The following COL6A1 variants were observed in gnomAD, a reference collection of about 807,000 sequenced individuals.
COL6A1 encodes the protein collagen alpha-1(VI) chain.
Under a neutral mutation model 145.6 loss-of-function variants are expected in COL6A1, and 80 were observed. The ratio of observed to expected loss-of-function variants is 0.55; its 90% CI spans 0.46 to 0.66. COL6A1 has a LOEUF of 0.66. Among genes scored for constraint, COL6A1 ranks in the 30% least tolerant of loss-of-function variants. The pLI is 0.00. For synonymous variants in COL6A1, 638 were observed against 622.8 expected (o/e 1.02, Z -0.36); for missense variants, 1,364 against 1,473.8 (o/e 0.93, Z 1.22).
At chr21:45,982,903 G>A in intron 2 of COL6A1, 140 bp downstream of exon 2, 1 of 1,244,968 alleles carries the variant, frequency 8.0e-7, no homozygotes, top group African/African-American at 1.5e-5. Flanking sequence ...GCCCCTCCCG[G>A]CGCCCTCCAG....
rs1353244816 is a variant in COL6A1 at position 46,004,090 on chromosome 21, C to T, written c.*77C>T. ...TCACTAAACAGAGTAAAATGTGATG[C>T]GAATTTTCCCGACCAACCTGATTCG... On this transcript the variant is annotated 3_prime_UTR_variant, in exon 35 of 35. Coordinates refer to ENST00000361866, the MANE Select transcript of COL6A1 (RefSeq NM_001848.3). 7.1e-6 allele frequency: 11 copies of T among 1,552,382 alleles called. No individual in the cohort carries two copies. Among genetic ancestry groups the T allele is most frequent in the East Asian group, 2.3e-5 (1 of 44,158 alleles).
Position 46,000,645 on chromosome 21 carries a change from CGGG to C in COL6A1, c.1814-112_1814-110del, listed in dbSNP as rs2077838523. The C allele has an allele frequency of 2.2e-5, 27 of 1,229,440 alleles. 1 individual carries two copies. In the African/African-American group the frequency reaches 5.7e-4, roughly 26 times the overall value. 76.2% of individuals were successfully genotyped at this position (1,229,440 alleles called of 1,614,324 possible). A position where few individuals can be genotyped will look rare whatever the true frequency, so the allele number is the denominator to read the frequency against. On this transcript the variant is annotated intron_variant, in intron 28 of 34. Coordinates refer to ENST00000361866, the MANE Select transcript of COL6A1 (RefSeq NM_001848.3). ...CAGGAGGCCGGGGAAGGGGGGAGGC[CGGG>C]GAAGGAGGGCGGCCGGGGAGGCGGG...
At position 46,003,634 on chromosome 21, in the gene COL6A1, C is replaced by T. The variant is rs781095409; in HGVS notation, c.2708C>T (p.Ala903Val). The T allele has an allele frequency of 1.2e-6, 2 of 1,613,046 alleles. No homozygotes were observed. The highest frequency in any genetic ancestry group is 1.6e-4 in the Middle Eastern group (1 of 6,062). The change falls in exon 35 of 35, where the codon GCC becomes GTC. Residue 903 changes from alanine to valine, a missense_variant. Coordinates refer to ENST00000361866, the MANE Select transcript of COL6A1 (RefSeq NM_001848.3). Reference sequence around the variant, plus strand: ...CAGAACTACACGGCCCTGGCCAGTGCCGTCGATGCCATGGACTTTATCAAC... The same window carrying T: ...CAGAACTACACGGCCCTGGCCAGTGTCGTCGATGCCATGGACTTTATCAAC... ...FLQNYTALASAVDAMDFINDA... is the reference protein window; with the variant it reads ...FLQNYTALASVVDAMDFINDA...
At position 46,001,369 on chromosome 21, in the gene COL6A1, C is replaced by T. The variant is rs759122659; in HGVS notation, c.1939C>T (p.Arg647Trp). Residue 647 changes from arginine (R) to tryptophan (W), a missense_variant, in exon 30 of 35, where the codon CGG (arginine) becomes TGG (tryptophan). By Grantham distance (101) the Arg-to-Trp change is moderately radical. This residue lies in a region of COL6A1 where 938 missense variants were observed against 1,003.8 expected (regional missense o/e 0.93). Transcript: ENST00000361866. Reference sequence around the variant, plus strand: ...CGTCAAGGTCATCGACCGGCTGAGCCGGGACGAGCTGGTCAAGGTGAGGCC... The same window carrying T: ...CGTCAAGGTCATCGACCGGCTGAGCTGGGACGAGCTGGTCAAGGTGAGGCC... ...FVVKVIDRLS[R>W]DELVKFEPGQ... 51 of 1,611,734 alleles carry T rather than the reference C, an allele frequency of 3.2e-5. No homozygotes were observed. The highest frequency in any genetic ancestry group is 6.7e-5 in the East Asian group (3 of 44,882).
Position 45,981,945 on chromosome 21 carries a change from A to G in COL6A1, c.95A>G (p.Gln32Arg). 6.2e-7 allele frequency: 1 copy of G among 1,605,006 alleles called. No homozygotes were observed. The change falls in exon 1 of 35, where the codon CAG (glutamine) becomes CGG (arginine). Residue 32 changes from glutamine to arginine, a missense_variant and splice_region_variant. This residue lies in a region of COL6A1 where 414 missense variants were observed against 437.6 expected (regional missense o/e 0.95). Transcript: ENST00000361866. ...EPETPRAVAF[Q>R]DCPVDLFFVL... ...GAGACCCCGAGGGCCGTGGCCTTCCAGGGTGAGTGGTGGCTTGGGGTGCAG... is the reference window on the plus strand; with the variant it reads ...GAGACCCCGAGGGCCGTGGCCTTCCGGGGTGAGTGGTGGCTTGGGGTGCAG...
Position 45,986,978 on chromosome 21 carries a change from C to G in COL6A1, c.623C>G (p.Thr208Arg). Residue 208 changes from threonine to arginine, a missense_variant, in exon 5 of 35, where the codon ACG becomes AGG. Physicochemically the swap from Thr to Arg is moderately conservative, Grantham distance 71 (BLOSUM62 -1). Transcript: ENST00000361866. ...PRLSIIATDHTYRRNFTAADW... is the reference protein window; with the variant it reads ...PRLSIIATDHRYRRNFTAADW... The stretch of plus-strand genomic sequence containing the variant: ...CTGAGCATCATCGCCACGGACCACA[C>G]GTACCGGCGCAACTTCACGGCGGCT... 1.3e-6 allele frequency: 2 copies of G among 1,552,278 alleles called. No homozygotes were observed. The highest frequency in any genetic ancestry group is 1.7e-6 in the Non-Finnish European group (2 of 1,149,468).
At chr21:45,985,974 G>A (rs1481688944) in intron 3 of COL6A1, among the ~76,000 whole-genome samples, 1 of 152,192 alleles carries the variant, frequency 6.6e-6, no homozygotes. Flanking sequence ...AAATGAGCTC[G>A]CCCTTCTGGC....
At chr21:45,991,069 C>T in intron 15 of COL6A1, 28 bp downstream of exon 15, 4 of 1,611,046 alleles carry the variant, frequency 2.5e-6, no homozygotes, top group South Asian at 1.1e-5. Context: ...CCTGGAGGAC[C>T]AGGGCCTTCA....
rs2123460250 is a variant in COL6A1, at chr21:45,982,707, C to T, written c.171C>T (p.Ala57=). 3.7e-6 allele frequency: 6 copies of T among 1,612,842 alleles called. No individual in the cohort carries two copies. The highest frequency in any genetic ancestry group is 1.6e-4 in the Middle Eastern group (1 of 6,062). Residue 57 remains alanine, a synonymous_variant, in exon 2 of 35, where the codon GCC becomes GCT. Coordinates refer to ENST00000361866, the MANE Select transcript of COL6A1 (RefSeq NM_001848.3). Reference sequence around the variant, plus strand: ...CCCTGAGGCTGAAGCCCTACGGGGCCCTCGTGGACAAAGTCAAGTCCTTCA... The same window carrying T: ...CCCTGAGGCTGAAGCCCTACGGGGCTCTCGTGGACAAAGTCAAGTCCTTCA... The part of the protein sequence containing the change: ...SVALRLKPYG[A]LVDKVKSFTK...
intron 15 of COL6A1, 61 bp from the exon 16 acceptor site, chr21:45,991,949 G>A (rs1389956961): frequency 6.6e-7 from 1 of 1,523,910 alleles, no homozygotes; most frequent in Admixed American, 2.0e-5. Context: ...TGTGGCCTCT[G>A]ATGGCTGCAC....
At chr21:45,985,609 C>T (rs559166860) in intron 3 of COL6A1, among the ~76,000 whole-genome samples, 65 of 152,350 alleles carry the variant, frequency 4.3e-4, no homozygotes, top group African/African-American at 1.4e-3. Context: ...ACGCAGGGGC[C>T]GCAAGCCCCG....
chr21:46,002,654 A>G lies in COL6A1; in HGVS notation c.2378A>G (p.Tyr793Cys), dbSNP rs2077854062. 6.2e-7 allele frequency: 1 copy of G among 1,613,808 alleles called. No individual in the cohort carries two copies. Among genetic ancestry groups the G allele is most frequent in the Admixed American group, 1.7e-5 (1 of 60,012 alleles). ...GGCCTCTCGCTGGTCAAGGAGAACT[A>G]TGCAGAGCTGCTGGAGGATGCCTTC... is the stretch of plus-strand genomic sequence containing the variant. The part of the protein sequence containing the change: ...RPGLSLVKEN[Y>C]AELLEDAFLK... The change falls in exon 33 of 35, where the codon TAT becomes TGT. Residue 793 changes from tyrosine to cysteine, a missense_variant. This residue lies in a region of COL6A1 where 938 missense variants were observed against 1,003.8 expected (regional missense o/e 0.93). Transcript: ENST00000361866.
intron 20 of COL6A1, among the ~76,000 whole-genome samples, chr21:45,996,580 G>A (rs1048281103): frequency 1.3e-5 from 2 of 151,972 alleles, no homozygotes; most frequent in Non-Finnish European, 2.9e-5. Flanking sequence ...ACAGGCGTCT[G>A]AGCAGGCACA....
chr21:45,983,476 C>G (rs1017075951), intron 2 of COL6A1, among the ~76,000 whole-genome samples: 11 of 152,160 alleles, frequency 7.2e-5, no homozygotes, highest in African/African-American at 2.2e-4. Flanking sequence ...GTAGGAACCC[C>G]CGTCCTCCTT....
At chr21:45,992,587 A>G (rs1569518364) in intron 18 of COL6A1, among the ~76,000 whole-genome samples, 161 bp from the exon 19 acceptor site, 1 of 152,214 alleles carries the variant, frequency 6.6e-6, no homozygotes, top group Non-Finnish European at 1.5e-5. Context: ...CTGGGGAACC[A>G]GGAGATTCCG....
Position 46,004,077 on chromosome 21 carries a change from G to T in COL6A1, c.*64G>T. On this transcript the variant is annotated 3_prime_UTR_variant, in exon 35 of 35. Coordinates refer to ENST00000361866, the MANE Select transcript of COL6A1 (RefSeq NM_001848.3). ...CCCTCCCCACTCATCACTAAACAGA[G>T]TAAAATGTGATGCGAATTTTCCCGA... 6.4e-7 allele frequency: 1 copy of T among 1,572,382 alleles called. No homozygotes were observed.
Position 46,004,497 on chromosome 21 carries a change from C to A in COL6A1, c.*484C>A. 1 of 323,452 alleles carries A rather than the reference C, an allele frequency of 3.1e-6. No individual in the cohort carries two copies. The highest frequency in any genetic ancestry group is 2.4e-5 in the South Asian group (1 of 42,248). The allele number at this position is 323,452 out of a possible 1,614,324, so 20.0% of individuals were successfully genotyped here. ...CCGCACTAGCCTCCCTCTCCTCTGTCCCCATAGCTGGTTTTTCCCACCAAT... is the reference window on the plus strand; with the variant it reads ...CCGCACTAGCCTCCCTCTCCTCTGTACCCATAGCTGGTTTTTCCCACCAAT... On this transcript the variant is annotated 3_prime_UTR_variant, in exon 35 of 35. Transcript: ENST00000361866.
rs765421411 is a variant in COL6A1 at position 46,002,018 on chromosome 21, G to A, written c.2014G>A (p.Glu672Lys). Residue 672 changes from glutamate to lysine, a missense_variant, in exon 31 of 35, where the codon GAG becomes AAG. By Grantham distance (56) the Glu-to-Lys change is moderately conservative. Coordinates refer to ENST00000361866, the MANE Select transcript of COL6A1 (RefSeq NM_001848.3). ...GCAGTACAGCCACAGCCAGATGCAG[G>A]AGCACGTGAGCCTGCGCAGCCCCAG... Reference protein sequence around the residue: ...VVQYSHSQMQEHVSLRSPSIR... With the variant: ...VVQYSHSQMQKHVSLRSPSIR... 56 of 1,612,578 alleles carry A rather than the reference G, an allele frequency of 3.5e-5. No homozygotes were observed. In the South Asian group the frequency reaches 4.2e-4, roughly 12 times the overall value.
chr21:45,985,248 A>G (rs1354018993), intron 3 of COL6A1, among the ~76,000 whole-genome samples: 1 of 152,078 alleles, frequency 6.6e-6, no homozygotes, highest in Non-Finnish European at 1.5e-5. Context: ...GGACAGAGAC[A>G]GAGACAGAAA....
Sources: allele counts gnomAD v4.1 joint callset (sites outside exome capture counted in the v4.1 genomes callset), GRCh38; gene constraint gnomAD v4.1.1; regional missense constraint gnomAD v4.1.1; transcripts MANE v1.5; gene names NCBI Gene and HGNC (gene_info 2026-07-23, HGNC 2026-07-21).